The following ADAMTS3 variants were observed in gnomAD, a reference collection of about 807,000 sequenced individuals.
ADAMTS3 encodes the protein A disintegrin and metalloproteinase with thrombospondin motifs 3.
A neutral mutation model predicts 129.0 loss-of-function variants in ADAMTS3; 73 were observed. The ratio of observed to expected loss-of-function variants is 0.57; its 90% CI spans 0.47 to 0.69. ADAMTS3 has a LOEUF of 0.69. Ranked by LOEUF, ADAMTS3 falls within the 30% of genes least tolerant of loss-of-function variation. The pLI, the probability that ADAMTS3 is intolerant of heterozygous loss-of-function variation, is 0.00. For synonymous variants in ADAMTS3, 477 were observed against 510.8 expected, an observed-to-expected ratio of 0.93 and a Z score of 0.89; for missense variants, 1,457 against 1,514.5, an observed-to-expected ratio of 0.96 and a Z score of 0.63.
In ADAMTS3 at chr4:72,437,977, T is replaced by C. The variant is rs561137728; in HGVS notation, c.505-23006A>G. Reference sequence around the variant, plus strand: ...GTTTAGCTTGATGAAACTGTTTCTGTCGTTTTGAGTTCCCATAAATGTTTT... The same window carrying C: ...GTTTAGCTTGATGAAACTGTTTCTGCCGTTTTGAGTTCCCATAAATGTTTT... On this transcript the variant is annotated intron_variant, in intron 3 of 21. Transcript: ENST00000286657. Among the ~76,000 whole-genome samples the C allele has an allele frequency of 2.2e-4, 34 of 151,912 alleles. 1 individual carries two copies. The highest frequency in any genetic ancestry group is 2.1e-3 in the South Asian group (10 of 4,832).
intron 4 of ADAMTS3, among the ~76,000 whole-genome samples, chr4:72,387,959 G>A (rs573030305): frequency 6.6e-6 from 1 of 152,216 alleles, no homozygotes; most frequent in South Asian, 2.1e-4. Flanking sequence ...AAGTATAAGA[G>A]CATAAATCCA....
intron 3 of ADAMTS3, among the ~76,000 whole-genome samples, chr4:72,514,147 T>C (rs2109727600): frequency 6.6e-6 from 1 of 152,228 alleles, no homozygotes; most frequent in South Asian, 2.1e-4. Context: ...ATTTCTATAA[T>C]CACTATGTTG....
intron 2 of ADAMTS3, among the ~76,000 whole-genome samples, chr4:72,554,473 C>T (rs1721715392): frequency 6.6e-6 from 1 of 152,164 alleles, no homozygotes; most frequent in Admixed American, 6.5e-5. Context: ...ACTTGTCTTA[C>T]TCTCTCTTCA....
At chr4:72,410,760 T>A (rs1310903123) in intron 4 of ADAMTS3, among the ~76,000 whole-genome samples, 1 of 151,332 alleles carries the variant, frequency 6.6e-6, no homozygotes, top group Non-Finnish European at 1.5e-5. Context: ...AGTATATTGT[T>A]ACCAATTAGA....
intron 3 of ADAMTS3, among the ~76,000 whole-genome samples, chr4:72,441,153 A>C (rs982041583): frequency 6.6e-6 from 1 of 151,828 alleles, no homozygotes; most frequent in Admixed American, 6.6e-5. Flanking sequence ...ATATCAATCA[A>C]ATCATCATAT....
intron 4 of ADAMTS3, among the ~76,000 whole-genome samples, chr4:72,370,387 TTGCTTATTACATTAATC>T (rs1720975169): frequency 8.7e-6 from 1 of 115,172 alleles, no homozygotes; most frequent in African/African-American, 3.0e-5. Flanking sequence ...TTATATCAAT[TTGCTTATTACATTAATC>T]TGCTTATTAT....
At chr4:72,492,661 T>C (rs1338410109) in intron 3 of ADAMTS3, among the ~76,000 whole-genome samples, 1 of 151,912 alleles carries the variant, frequency 6.6e-6, no homozygotes, top group Non-Finnish European at 1.5e-5. Context: ...GAGAATGTTC[T>C]GTGTGTACTG....
At chr4:72,310,737 C>T (rs1044486615) in intron 14 of ADAMTS3, among the ~76,000 whole-genome samples, 1 of 151,996 alleles carries the variant, frequency 6.6e-6, no homozygotes, top group Non-Finnish European at 1.5e-5. Context: ...TAGCAGATGG[C>T]TACTAAAATA....
intron 4 of ADAMTS3, among the ~76,000 whole-genome samples, chr4:72,394,951 G>A (rs1721690434): frequency 6.6e-6 from 1 of 150,858 alleles, no homozygotes; most frequent in Admixed American, 6.6e-5. Context: ...TGGAGATGGA[G>A]TTTCACTCTT....
chr4:72,517,613 T>A (rs1388598806), intron 3 of ADAMTS3, among the ~76,000 whole-genome samples: 1 of 152,246 alleles, frequency 6.6e-6, no homozygotes, highest in Non-Finnish European at 1.5e-5. Flanking sequence ...GATTTTCTAC[T>A]TTATTTGCAT....
At chr4:72,567,310 T>C in intron 2 of ADAMTS3, 64 bp downstream of exon 2, 1 of 1,500,988 alleles carries the variant, frequency 6.7e-7, no homozygotes, top group East Asian at 2.3e-5. Flanking sequence ...AATATTTTGC[T>C]TAGCTCACTT....
chr4:72,385,310 C>G (rs1250682134), intron 4 of ADAMTS3, among the ~76,000 whole-genome samples: 1 of 150,492 alleles, frequency 6.6e-6, no homozygotes, highest in African/African-American at 2.5e-5. Context: ...TATTATAGTA[C>G]CTCAGTGGCC....
chr4:72,516,641 C>T (rs1250859678), intron 3 of ADAMTS3, among the ~76,000 whole-genome samples: 4 of 151,864 alleles, frequency 2.6e-5, no homozygotes, highest in Admixed American at 6.6e-5. Flanking sequence ...TCTGCTAGTC[C>T]GTTATTGGTG....
chr4:72,528,254 G>A (rs1380960414), intron 3 of ADAMTS3, among the ~76,000 whole-genome samples: 2 of 151,072 alleles, frequency 1.3e-5, no homozygotes, highest in Non-Finnish European at 2.9e-5. Context: ...ATTGGTTTCT[G>A]TTGCTTAGCA....
intron 4 of ADAMTS3, among the ~76,000 whole-genome samples, chr4:72,364,989 A>G (rs546510836): frequency 6.6e-6 from 1 of 152,324 alleles, no homozygotes; most frequent in East Asian, 1.9e-4. Context: ...TATTAATTCA[A>G]TAAAATTATT....
intron 3 of ADAMTS3, among the ~76,000 whole-genome samples, chr4:72,429,756 T>C (rs565066255): frequency 2.0e-4 from 30 of 152,078 alleles, no homozygotes; most frequent in Non-Finnish European, 3.8e-4. Context: ...ATAGGAATTC[T>C]GTGTGGGTAA....
chr4:72,460,505 C>T (rs540770289), intron 3 of ADAMTS3, among the ~76,000 whole-genome samples: 3 of 151,366 alleles, frequency 2.0e-5, no homozygotes, highest in Admixed American at 1.3e-4. Flanking sequence ...TATCCAAGTA[C>T]AAAGGCCTTT....
intron 3 of ADAMTS3, among the ~76,000 whole-genome samples, chr4:72,469,612 A>G (rs1719011115): frequency 6.6e-6 from 1 of 152,154 alleles, no homozygotes; most frequent in African/African-American, 2.4e-5. Flanking sequence ...TTCCAAGCAC[A>G]GGTGACTCTT....
intron 3 of ADAMTS3, among the ~76,000 whole-genome samples, chr4:72,423,846 T>C (rs993517874): frequency 2.6e-5 from 4 of 152,058 alleles, no homozygotes; most frequent in African/African-American, 9.7e-5. Context: ...GAAACTCAAC[T>C]ATTGAGATGC....
Sources: allele counts gnomAD v4.1 joint callset (sites outside exome capture counted in the v4.1 genomes callset), GRCh38; gene constraint gnomAD v4.1.1; transcripts MANE v1.5; gene names NCBI Gene and HGNC (gene_info 2026-07-23, HGNC 2026-07-21).